The following CDH13 variants were observed in gnomAD, a reference collection of about 807,000 sequenced individuals.
CDH13 encodes cadherin-13.
In CDH13, 24 loss-of-function variants were observed where a neutral mutation model predicts 63.8. That is an observed-to-expected ratio of 0.38 (90% CI 0.27 to 0.53). The LOEUF (loss-of-function observed/expected upper bound fraction) is 0.53. CDH13 is among the 20% of genes least tolerant of loss of function. The probability of loss-of-function intolerance (pLI) is 0.85; values close to 1 mark genes in which losing one functional copy is unlikely to be tolerated. For missense variants in CDH13, 1,049 were observed against 903.1 expected (o/e 1.16, Z -2.07); for synonymous variants, 503 against 355.3 (o/e 1.42, Z -4.67).
At chr16:83,515,777 G>A (rs1236114728) in intron 7 of CDH13, among the ~76,000 whole-genome samples, 3 of 152,072 alleles carry the variant, frequency 2.0e-5, no homozygotes, top group Admixed American at 6.5e-5. Flanking sequence ...AACACACCAA[G>A]CAAAGCGTTC....
At chr16:83,155,654 C>T (rs2037177240) in intron 4 of CDH13, among the ~76,000 whole-genome samples, 1 of 152,090 alleles carries the variant, frequency 6.6e-6, no homozygotes, top group Non-Finnish European at 1.5e-5. Flanking sequence ...CATTGGGGGC[C>T]TATTGTGTAC....
intron 4 of CDH13, among the ~76,000 whole-genome samples, chr16:83,185,450 A>G (rs1341982772): frequency 6.6e-6 from 1 of 152,202 alleles, no homozygotes. Context: ...AAATTGAGAC[A>G]AATTAAAGTG....
At position 82,846,471 on chromosome 16, in the gene CDH13, C is replaced by T. The variant is rs1156819769; in HGVS notation, c.46-11891C>T. 5.9e-5 allele frequency among the ~76,000 whole-genome samples: 9 copies of T among 152,240 alleles called. No homozygotes were observed. In the South Asian group the frequency reaches 8.3e-4, roughly 14 times the overall value. ...TGTGTTTACTCATTGACTCATACAA[C>T]CAATGGGAGTAGACACAATTATTAG... is the stretch of plus-strand genomic sequence containing the variant. On this transcript the variant is annotated intron_variant, in intron 1 of 13. Coordinates refer to ENST00000567109, the MANE Select transcript of CDH13 (RefSeq NM_001257.5).
intron 7 of CDH13, among the ~76,000 whole-genome samples, chr16:83,582,354 C>A (rs1225387468): frequency 6.6e-6 from 1 of 152,034 alleles, no homozygotes; most frequent in South Asian, 2.1e-4. Flanking sequence ...AGGGTCTAGA[C>A]CTAATGCTAG....
rs1342853950 is a variant in CDH13 at position 83,798,768 on chromosome 16, T to C, written c.*3738T>C. The C allele has an allele frequency of 6.6e-6, 1 of 152,184 alleles. No individual in the cohort carries two copies. The highest frequency in any genetic ancestry group is 1.5e-5 in the Non-Finnish European group (1 of 68,036). The allele number at this position is 152,184 out of a possible 1,614,324, so 9.4% of individuals were successfully genotyped here. A position where few individuals can be genotyped will look rare whatever the true frequency, so the allele number is the denominator to read the frequency against. On this transcript the variant is annotated 3_prime_UTR_variant, in exon 14 of 14. Transcript: ENST00000567109. ...ACTGTTAAGCAACAGTACCTTTTACTATGAGGTACCCTTTACTATTAAGTA... is the reference window on the plus strand; with the variant it reads ...ACTGTTAAGCAACAGTACCTTTTACCATGAGGTACCCTTTACTATTAAGTA...
At chr16:82,674,808 G>A (rs905192173) in intron 1 of CDH13, among the ~76,000 whole-genome samples, 6 of 152,168 alleles carry the variant, frequency 3.9e-5, no homozygotes, top group Admixed American at 6.5e-5. Flanking sequence ...ATGTGTTGGC[G>A]GGACGGGGGC....
chr16:83,248,620 A>C (rs1336284496), intron 5 of CDH13, among the ~76,000 whole-genome samples: 1 of 152,182 alleles, frequency 6.6e-6, no homozygotes, highest in Non-Finnish European at 1.5e-5. Flanking sequence ...TCTGTCTCTC[A>C]GAATACTTTT....
At chr16:83,373,809 G>C (rs2091414910) in intron 6 of CDH13, among the ~76,000 whole-genome samples, 1 of 152,128 alleles carries the variant, frequency 6.6e-6, no homozygotes, top group Non-Finnish European at 1.5e-5. Context: ...CCCTAGACCT[G>C]AGGAATGAAG....
intron 1 of CDH13, among the ~76,000 whole-genome samples, chr16:82,857,849 G>C (rs2039766446): frequency 7.1e-6 from 1 of 140,702 alleles, no homozygotes. Flanking sequence ...TCAGACCTAT[G>C]ACTGTTAAAG....
chr16:83,512,633 A>G (rs969324441), intron 7 of CDH13, among the ~76,000 whole-genome samples: 21 of 150,542 alleles, frequency 1.4e-4, no homozygotes, highest in African/African-American at 5.1e-4. Context: ...ATGCCACTGC[A>G]CTCCAGCCTT....
At chr16:83,324,040 C>CTTTTT (rs200015057) in intron 5 of CDH13, among the ~76,000 whole-genome samples, 1 of 141,352 alleles carries the variant, frequency 7.1e-6, no homozygotes. Flanking sequence ...TCTTCTTCTT[C>CTTTTT]TTTTTTTTTT....
intron 1 of CDH13, among the ~76,000 whole-genome samples, chr16:82,698,980 G>A (rs112242116): frequency 6.6e-6 from 1 of 151,950 alleles, no homozygotes; most frequent in Non-Finnish European, 1.5e-5. Flanking sequence ...TTAGCTTCCA[G>A]GCTGTATAAA....
intron 8 of CDH13, among the ~76,000 whole-genome samples, chr16:83,643,635 C>A (rs1911516034): frequency 6.6e-6 from 1 of 151,892 alleles, no homozygotes; most frequent in Non-Finnish European, 1.5e-5. Context: ...TGATCTTGGC[C>A]TTTCTTGGTG....
chr16:83,470,859 G>T (rs1243983134), intron 6 of CDH13, among the ~76,000 whole-genome samples: 2 of 152,048 alleles, frequency 1.3e-5, no homozygotes, highest in African/African-American at 4.8e-5. Context: ...TTTACACTTG[G>T]GTCAGAAGTC....
intron 8 of CDH13, among the ~76,000 whole-genome samples, chr16:83,658,717 G>T (rs1221688465): frequency 2.0e-4 from 29 of 148,672 alleles, no homozygotes; most frequent in African/African-American, 5.3e-4. Context: ...CACCAGCAAG[G>T]TCTCATGTCC....
At chr16:83,227,254 G>A (rs1381204817) in intron 5 of CDH13, among the ~76,000 whole-genome samples, 2 of 152,234 alleles carry the variant, frequency 1.3e-5, no homozygotes, top group Admixed American at 1.3e-4. Context: ...GACACCTGTA[G>A]CACTGTGGCA....
intron 8 of CDH13, among the ~76,000 whole-genome samples, chr16:83,670,375 T>C (rs570593240): frequency 3.0e-4 from 45 of 151,458 alleles, no homozygotes; most frequent in Non-Finnish European, 3.8e-4. Context: ...CAGGTGTTCT[T>C]GGCCACCAGG....
At chr16:82,647,317 AT>A (rs1190927129) in intron 1 of CDH13, among the ~76,000 whole-genome samples, 4 of 152,186 alleles carry the variant, frequency 2.6e-5, no homozygotes, top group Non-Finnish European at 5.9e-5. Flanking sequence ...TTAACAGACC[AT>A]GGTTGTGAGT....
At chr16:83,180,178 T>A (rs1048303442) in intron 4 of CDH13, among the ~76,000 whole-genome samples, 26 of 152,298 alleles carry the variant, frequency 1.7e-4, no homozygotes, top group Middle Eastern at 3.4e-3. Flanking sequence ...TTGTTTTTTT[T>A]ATTAGGAAAA....
Sources: allele counts gnomAD v4.1 joint callset (sites outside exome capture counted in the v4.1 genomes callset), GRCh38; gene constraint gnomAD v4.1.1; transcripts MANE v1.5; gene names NCBI Gene and HGNC (gene_info 2026-07-23, HGNC 2026-07-21).